SLC9A9: variants seen among roughly 807,000 people sequenced by gnomAD.
SLC9A9 encodes the protein solute carrier family 9 member A9.
Under a neutral mutation model 77.8 loss-of-function variants are expected in SLC9A9, and 62 were observed. The ratio of observed to expected loss-of-function variants is 0.80; its 90% CI spans 0.65 to 0.98. The LOEUF (loss-of-function observed/expected upper bound fraction) is 0.98. Ranked by LOEUF, SLC9A9 falls within the 50% of genes least tolerant of loss-of-function variation. SLC9A9 has a pLI of 0.00. For missense variants in SLC9A9, 775 were observed against 774.9 expected (o/e 1.00, Z 0.00); for synonymous variants, 320 against 283.5 (o/e 1.13, Z -1.29).
chr3:143,359,296 C>T (rs2032675101), intron 14 of SLC9A9, among the ~76,000 whole-genome samples: 1 of 152,012 alleles, frequency 6.6e-6, no homozygotes, highest in Non-Finnish European at 1.5e-5. Flanking sequence ...GAAAACAGAC[C>T]CAATTTCTGT....
intron 9 of SLC9A9, among the ~76,000 whole-genome samples, chr3:143,528,254 A>G (rs972012528): frequency 6.6e-6 from 1 of 152,178 alleles, no homozygotes; most frequent in Non-Finnish European, 1.5e-5. Context: ...GCCTCCTTTT[A>G]GCGGCCAGCA....
At chr3:143,549,332 T>C (rs963252496) in intron 9 of SLC9A9, among the ~76,000 whole-genome samples, 4 of 152,144 alleles carry the variant, frequency 2.6e-5, no homozygotes, top group South Asian at 4.1e-4. Flanking sequence ...TGCATGTGTA[T>C]AGGCATGCAT....
chr3:143,699,199 ATAAT>A (rs1295907364), intron 4 of SLC9A9, among the ~76,000 whole-genome samples: 11 of 152,334 alleles, frequency 7.2e-5, no homozygotes, highest in South Asian at 4.1e-4. Flanking sequence ...CATTCAACAA[ATAAT>A]TAATAATATA....
intron 4 of SLC9A9, among the ~76,000 whole-genome samples, chr3:143,713,374 T>C (rs1019932884): frequency 3.3e-5 from 5 of 152,128 alleles, no homozygotes; most frequent in African/African-American, 7.2e-5. Context: ...GTAAGAGTTG[T>C]AGGGCTGTGT....
intron 6 of SLC9A9, among the ~76,000 whole-genome samples, chr3:143,606,952 A>G (rs2037938570): frequency 6.6e-6 from 1 of 151,388 alleles, no homozygotes; most frequent in Non-Finnish European, 1.5e-5. Flanking sequence ...AGTAAAATAA[A>G]CACTCAGATT....
intron 13 of SLC9A9, chr3:143,371,848 T>C (rs552546589): frequency 5.2e-5 from 10 of 190,530 alleles, no homozygotes; most frequent in African/African-American, 2.4e-4. Context: ...CAACTGGATT[T>C]GATAAAGCAA....
chr3:143,436,482 G>C (rs761401330), intron 12 of SLC9A9, among the ~76,000 whole-genome samples: 1 of 152,222 alleles, frequency 6.6e-6, no homozygotes, highest in Non-Finnish European at 1.5e-5. Flanking sequence ...ATCAGAAACT[G>C]ATAGGTGAGT....
intron 5 of SLC9A9, among the ~76,000 whole-genome samples, chr3:143,659,978 C>T (rs935310734): frequency 2.0e-5 from 3 of 152,236 alleles, no homozygotes; most frequent in Non-Finnish European, 4.4e-5. Context: ...CAAGCTCTCT[C>T]TTGCCTGCCA....
chr3:143,602,950 A>G lies in SLC9A9; in HGVS notation c.756-24227T>C, dbSNP rs143416422. Among the ~76,000 whole-genome samples the G allele has an allele frequency of 5.5e-3, 836 of 152,340 alleles. 3 individuals carry two copies. The highest frequency in any genetic ancestry group is 0.018 in the African/African-American group (767 of 41,560). Reference sequence around the variant, plus strand: ...AGCATAATGGCGCTTTAAAGCCAAGATTTCCTCTTCCATAGTCTATGCACA... The same window carrying G: ...AGCATAATGGCGCTTTAAAGCCAAGGTTTCCTCTTCCATAGTCTATGCACA... On this transcript the variant is annotated intron_variant, in intron 6 of 15. Transcript: ENST00000316549.
chr3:143,411,861 A>C (rs144828965), intron 12 of SLC9A9, among the ~76,000 whole-genome samples: 15 of 152,044 alleles, frequency 9.9e-5, no homozygotes, highest in African/African-American at 3.1e-4. Context: ...GTATTCTATC[A>C]GACAGGGCAG....
chr3:143,356,572 A>T (rs147170310), intron 14 of SLC9A9, among the ~76,000 whole-genome samples: 1 of 152,312 alleles, frequency 6.6e-6, no homozygotes, highest in East Asian at 1.9e-4. Context: ...CCAAGCTGGA[A>T]GGCAGTGGCA....
intron 12 of SLC9A9, among the ~76,000 whole-genome samples, chr3:143,465,777 G>A (rs2035270845): frequency 6.6e-6 from 1 of 152,202 alleles, no homozygotes; most frequent in African/African-American, 2.4e-5. Context: ...GAGCCTACAG[G>A]TAACCACCAC....
chr3:143,531,507 T>C (rs2036510316), intron 9 of SLC9A9, among the ~76,000 whole-genome samples: 1 of 152,216 alleles, frequency 6.6e-6, no homozygotes, highest in Admixed American at 6.5e-5. Context: ...AAATAAGACA[T>C]AATGTATAGG....
intron 1 of SLC9A9, among the ~76,000 whole-genome samples, chr3:143,837,584 G>A (rs943126444): frequency 1.3e-5 from 2 of 151,928 alleles, no homozygotes; most frequent in Non-Finnish European, 2.9e-5. Flanking sequence ...CCTATTGATC[G>A]CCAGCCCAAT....
chr3:143,718,129 T>C (rs1354620032), intron 4 of SLC9A9, among the ~76,000 whole-genome samples: 1 of 151,644 alleles, frequency 6.6e-6, no homozygotes, highest in Non-Finnish European at 1.5e-5. Flanking sequence ...CCTAAGCCAT[T>C]TCATACGAAT....
At chr3:143,789,165 G>A (rs981439801) in intron 4 of SLC9A9, among the ~76,000 whole-genome samples, 2 of 152,130 alleles carry the variant, frequency 1.3e-5, no homozygotes, top group African/African-American at 4.8e-5. Context: ...GTAGTTTATT[G>A]TTATTACCTC....
At chr3:143,532,647 A>G (rs995362092) in intron 9 of SLC9A9, among the ~76,000 whole-genome samples, 1 of 152,226 alleles carries the variant, frequency 6.6e-6, no homozygotes. Flanking sequence ...GAACTTGCTC[A>G]GAGACCTCTG....
rs547444955 is a variant in SLC9A9 at position 143,523,032 on chromosome 3, G to A, written c.1090-27584C>T. Among the ~76,000 whole-genome samples the A allele has an allele frequency of 1.7e-3, 257 of 152,012 alleles. 1 individual carries two copies. Among genetic ancestry groups the A allele is most frequent in the African/African-American group, 5.9e-3 (246 of 41,470 alleles). On this transcript the variant is annotated intron_variant, in intron 9 of 15. Transcript: ENST00000316549. The stretch of plus-strand genomic sequence containing the variant: ...CAGGTCATTGCTTATTTTCATATGG[G>A]GACTATATAACAGGGTCTCTTCCAG...
At chr3:143,353,020 A>G (rs939041763) in intron 14 of SLC9A9, among the ~76,000 whole-genome samples, 1 of 152,286 alleles carries the variant, frequency 6.6e-6, no homozygotes, top group Admixed American at 6.5e-5. Flanking sequence ...TGTGCACATG[A>G]TAATTCCCTG....
Sources: allele counts gnomAD v4.1 joint callset (sites outside exome capture counted in the v4.1 genomes callset), GRCh38; gene constraint gnomAD v4.1.1; transcripts MANE v1.5; gene names NCBI Gene and HGNC (gene_info 2026-07-23, HGNC 2026-07-21).